Variants in ITPRID1 observed in about 807,000 individuals in gnomAD.
ITPRID1 encodes ITPR interacting domain containing 1.
In ITPRID1, 96 loss-of-function variants were observed where a neutral mutation model predicts 95.4. The ratio of observed to expected loss-of-function variants is 1.01; its 90% CI spans 0.85 to 1.19. The LOEUF (loss-of-function observed/expected upper bound fraction) is 1.19. ITPRID1 is among the 50% of genes most tolerant of loss of function. ITPRID1 has a pLI of 0.00. For missense variants in ITPRID1, 1,339 were observed against 1,252.9 expected, an observed-to-expected ratio of 1.07 and a Z score of -1.04; for synonymous variants, 510 against 453.6, an observed-to-expected ratio of 1.12 and a Z score of -1.58.
intron 7 of ITPRID1, among the ~76,000 whole-genome samples, 176 bp downstream of exon 7, chr7:31,572,364 A>G (rs544781612): frequency 8.6e-4 from 131 of 152,286 alleles, no homozygotes; most frequent in African/African-American, 3.0e-3. Context: ...AAAATTGGAA[A>G]CAGACTAAAT....
chr7:31,638,955 T>C (rs1789746988), intron 10 of ITPRID1, among the ~76,000 whole-genome samples: 1 of 152,128 alleles, frequency 6.6e-6, no homozygotes, highest in African/African-American at 2.4e-5. Context: ...TTTGTATTTT[T>C]TGGTAGACAC....
chr7:31,515,990 T>A (rs1420010660), intron 1 of ITPRID1, among the ~76,000 whole-genome samples: 6 of 151,896 alleles, frequency 4.0e-5, no homozygotes, highest in African/African-American at 1.5e-4. Flanking sequence ...TCATAATAGT[T>A]TTTTTTTGCC....
At position 31,655,222 on chromosome 7, in the gene ITPRID1, G is replaced by A. The variant is rs916634531; in HGVS notation, c.*2393G>A. ...TCAGTTCATCTTCCTGATCCTCTCTGTCAGTGGCACAGCCTTTCTCCTTGC... is the reference window on the plus strand; with the variant it reads ...TCAGTTCATCTTCCTGATCCTCTCTATCAGTGGCACAGCCTTTCTCCTTGC... On this transcript the variant is annotated 3_prime_UTR_variant, in exon 15 of 15. Transcript: ENST00000615280. 6.6e-5 allele frequency among the ~76,000 whole-genome samples: 10 copies of A among 152,136 alleles called. No individual in the cohort carries two copies. The highest frequency in any genetic ancestry group is 1.9e-4 in the East Asian group (1 of 5,172).
intron 10 of ITPRID1, among the ~76,000 whole-genome samples, chr7:31,615,749 ATTC>A (rs1787145263): frequency 1.4e-5 from 1 of 69,148 alleles, no homozygotes. Context: ...TTTACTGAGA[ATTC>A]TTTTTTTTTT....
At chr7:31,658,058 C>G (rs1791377088), downstream of ITPRID1, among the ~76,000 whole-genome samples, 2 of 152,144 alleles carry the variant, frequency 1.3e-5, no homozygotes, top group Non-Finnish European at 2.9e-5. Context: ...AAACTCAAGT[C>G]ACATCTTTTC....
intron 10 of ITPRID1, among the ~76,000 whole-genome samples, chr7:31,618,395 T>C (rs111377228): frequency 0.014 from 2,081 of 152,264 alleles, 61 homozygotes; most frequent in African/African-American, 0.047. Context: ...CCACTACTAA[T>C]TAGGCTATTG....
At chr7:31,553,875 T>A (rs1784365047) in intron 3 of ITPRID1, among the ~76,000 whole-genome samples, 1 of 152,204 alleles carries the variant, frequency 6.6e-6, no homozygotes, top group Non-Finnish European at 1.5e-5. Context: ...CTGCTTTACA[T>A]CCTCTCCTTT....
chr7:31,562,124 A>G (rs185026378), intron 5 of ITPRID1, among the ~76,000 whole-genome samples: 1 of 151,830 alleles, frequency 6.6e-6, no homozygotes, highest in Admixed American at 6.6e-5. Context: ...CAGAAAACAA[A>G]TTAAACATCA....
At chr7:31,568,030 G>T (rs1413846377) in intron 5 of ITPRID1, among the ~76,000 whole-genome samples, 1 of 151,688 alleles carries the variant, frequency 6.6e-6, no homozygotes, top group Non-Finnish European at 1.5e-5. Flanking sequence ...GGAGGCTGAG[G>T]CACGAGAATC....
chr7:31,534,436 T>C (rs1004066239), intron 1 of ITPRID1, among the ~76,000 whole-genome samples: 4 of 152,200 alleles, frequency 2.6e-5, no homozygotes, highest in African/African-American at 9.6e-5. Context: ...CTTCATGTCA[T>C]TGGGAGCTGT....
chr7:31,540,327 A>G (rs1040379258), intron 1 of ITPRID1, among the ~76,000 whole-genome samples: 2 of 152,150 alleles, frequency 1.3e-5, no homozygotes, highest in Admixed American at 6.5e-5. Context: ...CTCCTGTAAT[A>G]CTGGTGGGGC....
At chr7:31,516,509 A>G (rs1783044950) in intron 1 of ITPRID1, among the ~76,000 whole-genome samples, 2 of 152,216 alleles carry the variant, frequency 1.3e-5, no homozygotes, top group African/African-American at 4.8e-5. Flanking sequence ...GTAGTAGACA[A>G]TGTGGCTGAG....
chr7:31,561,771 T>C (rs1428688880), intron 5 of ITPRID1, among the ~76,000 whole-genome samples: 4 of 152,134 alleles, frequency 2.6e-5, no homozygotes, highest in African/African-American at 9.7e-5. Context: ...TTCAACTTCT[T>C]TCTCTTTTCC....
chr7:31,529,107 A>G (rs1449057395), intron 1 of ITPRID1, among the ~76,000 whole-genome samples: 1 of 152,152 alleles, frequency 6.6e-6, no homozygotes. Flanking sequence ...GGATGATAAG[A>G]CTGACTGTTA....
At chr7:31,523,344 T>C (rs772668696) in intron 1 of ITPRID1, among the ~76,000 whole-genome samples, 1 of 152,200 alleles carries the variant, frequency 6.6e-6, no homozygotes, top group Non-Finnish European at 1.5e-5. Flanking sequence ...CTTCTTTGAC[T>C]CTTAACTAGT....
chr7:31,642,300 A>G, intron 11 of ITPRID1, 42 bp downstream of exon 11: 1 of 1,325,126 alleles, frequency 7.5e-7, no homozygotes. Context: ...CATCCCTAAC[A>G]TCCCACTTCA....
chr7:31,594,467 T>C (rs1025808473), intron 10 of ITPRID1, among the ~76,000 whole-genome samples: 6 of 152,236 alleles, frequency 3.9e-5, no homozygotes, highest in African/African-American at 1.2e-4. Flanking sequence ...AATTGGCATA[T>C]TTTAATTTTC....
At chr7:31,622,675 C>A (rs1245382247) in intron 10 of ITPRID1, among the ~76,000 whole-genome samples, 2 of 151,984 alleles carry the variant, frequency 1.3e-5, no homozygotes, top group African/African-American at 2.4e-5. Context: ...AAAATTGACA[C>A]CCTAACATCA....
chr7:31,557,447 T>C (rs927190326), intron 5 of ITPRID1, among the ~76,000 whole-genome samples: 4 of 152,156 alleles, frequency 2.6e-5, no homozygotes, highest in Admixed American at 2.6e-4. Context: ...GGTTCTATGA[T>C]GGCCAACATG....
Sources: gnomAD v4.1 joint callset for allele counts (sites outside exome capture counted in the v4.1 genomes callset) on GRCh38, gnomAD v4.1.1 for gene constraint, MANE v1.5 for transcripts, NCBI Gene and HGNC (gene_info 2026-07-23, HGNC 2026-07-21) for gene names.